Variants in EPS15 observed in about 807,000 individuals in gnomAD.
EPS15 encodes epidermal growth factor receptor substrate 15.
In EPS15, 72 loss-of-function variants were observed where a neutral mutation model predicts 113.8. The observed-to-expected ratio is 0.63, with a 90% CI of 0.52 to 0.77. The LOEUF is 0.77. Ranked by LOEUF, EPS15 falls within the 30% of genes least tolerant of loss-of-function variation. The probability of loss-of-function intolerance (pLI) is 0.00; values close to 1 mark genes in which losing one functional copy is unlikely to be tolerated. For synonymous variants in EPS15, 344 were observed against 363.4 expected (o/e 0.95, Z 0.61); for missense variants, 1,048 against 1,045.8 (o/e 1.00, Z -0.03).
At chr1:51,454,564 C>T (rs895464753) in intron 8 of EPS15, among the ~76,000 whole-genome samples, 1 of 152,128 alleles carries the variant, frequency 6.6e-6, no homozygotes, top group Non-Finnish European at 1.5e-5. Flanking sequence ...AGTCTAGTCA[C>T]GAGAATAGCA....
At chr1:51,398,630 G>C (rs973759973) in intron 20 of EPS15, among the ~76,000 whole-genome samples, 9 of 152,116 alleles carry the variant, frequency 5.9e-5, no homozygotes, top group African/African-American at 2.2e-4. Context: ...TAACATTCCA[G>C]ATGTGTCTAT....
In EPS15 at chr1:51,394,456, A is replaced by C. The variant is rs1258690746; in HGVS notation, c.2053-9T>G. ...TGCTTCAACGTTTCTACCTAAACAA[A>C]GCATACAAAACCATGAATGAGAGAG... On this transcript the variant is annotated splice_polypyrimidine_tract_variant and intron_variant, in intron 20 of 24. Transcript: ENST00000371733. 3.1e-6 allele frequency: 5 copies of C among 1,589,252 alleles called. No homozygotes were observed. The Admixed American group carries it at 6.8e-5, about 22-fold the overall frequency.
chr1:51,450,242 G>A (rs938138614), intron 8 of EPS15, among the ~76,000 whole-genome samples: 8 of 149,956 alleles, frequency 5.3e-5, no homozygotes, highest in African/African-American at 1.8e-4. Flanking sequence ...GGCCACACTG[G>A]GGGGGGCTGT....
At chr1:51,412,704 G>A (rs1030288095) in intron 13 of EPS15, among the ~76,000 whole-genome samples, 3 of 152,176 alleles carry the variant, frequency 2.0e-5, no homozygotes, top group African/African-American at 7.2e-5. Context: ...ATAAACCCAT[G>A]CCAAAAGAGA....
chr1:51,418,702 G>T (rs980297536), intron 13 of EPS15, among the ~76,000 whole-genome samples: 2 of 152,140 alleles, frequency 1.3e-5, no homozygotes, highest in African/African-American at 4.8e-5. Flanking sequence ...AATACAGCTA[G>T]TAAGAACATT....
chr1:51,494,287 T>A (rs559259099), intron 1 of EPS15, among the ~76,000 whole-genome samples: 6 of 152,176 alleles, frequency 3.9e-5, no homozygotes, highest in Non-Finnish European at 4.4e-5. Flanking sequence ...AACCACAACC[T>A]CTTCTTCCAG....
chr1:51,465,089 A>G (rs1220615925), intron 6 of EPS15, among the ~76,000 whole-genome samples, 172 bp downstream of exon 6: 2 of 152,234 alleles, frequency 1.3e-5, no homozygotes, highest in African/African-American at 2.4e-5. Context: ...TACTGTCACA[A>G]AACAACTGAC....
chr1:51,447,336 AC>A (rs1653147421), intron 9 of EPS15, among the ~76,000 whole-genome samples: 1 of 152,188 alleles, frequency 6.6e-6, no homozygotes, highest in African/African-American at 2.4e-5. Context: ...GCACATTTTT[AC>A]TTTTTTTTAA....
chr1:51,422,766 A>G (rs565770903), intron 12 of EPS15, among the ~76,000 whole-genome samples: 1 of 152,386 alleles, frequency 6.6e-6, no homozygotes, highest in South Asian at 2.1e-4. Flanking sequence ...CTTTTCTACA[A>G]AATGAGAGAA....
intron 13 of EPS15, among the ~76,000 whole-genome samples, chr1:51,411,542 G>A (rs940958693): frequency 6.6e-6 from 1 of 152,154 alleles, no homozygotes; most frequent in Non-Finnish European, 1.5e-5. Flanking sequence ...TTATAATATT[G>A]AAGGAGAAGA....
chr1:51,408,014 ATGAC>A, intron 15 of EPS15, 117 bp downstream of exon 15: 1 of 824,238 alleles, frequency 1.2e-6, no homozygotes, highest in East Asian at 2.4e-5. Context: ...ATTGTATAAA[ATGAC>A]TGAAAAATGA....
intron 21 of EPS15, 67 bp from the exon 22 acceptor site, chr1:51,366,096 T>A: frequency 1.1e-5 from 12 of 1,067,726 alleles, no homozygotes; most frequent in Non-Finnish European, 1.7e-5. Flanking sequence ...AGACAGAGTC[T>A]CACTCTGTCC....
At position 51,457,143 on chromosome 1, in the gene EPS15, C is replaced by T. The variant is rs558347868; in HGVS notation, c.561+3948G>A. On this transcript the variant is annotated intron_variant, in intron 8 of 24. Coordinates refer to ENST00000371733, the MANE Select transcript of EPS15 (RefSeq NM_001981.3). ...TACTAAAAATACAAAAAAAATTAGCCAGGCGTGGTGGCGGGCGCCTGTAGT... is the reference window on the plus strand; with the variant it reads ...TACTAAAAATACAAAAAAAATTAGCTAGGCGTGGTGGCGGGCGCCTGTAGT... Among the ~76,000 whole-genome samples, 4 of 152,062 alleles carry T rather than the reference C, an allele frequency of 2.6e-5. No homozygotes were observed. In the South Asian group the frequency reaches 8.3e-4, roughly 32 times the overall value.
chr1:51,512,668 A>G (rs1644644267), intron 1 of EPS15, among the ~76,000 whole-genome samples: 1 of 152,122 alleles, frequency 6.6e-6, no homozygotes, highest in African/African-American at 2.4e-5. Context: ...TCAAAGGAAA[A>G]AAAAATAAGT....
intron 21 of EPS15, among the ~76,000 whole-genome samples, chr1:51,374,701 G>T (rs757686535): frequency 3.3e-5 from 5 of 152,158 alleles, no homozygotes; most frequent in Non-Finnish European, 7.3e-5. Context: ...TTCACCAGAA[G>T]CAAATGCTAA....
chr1:51,409,794 C>T lies in EPS15; in HGVS notation c.1114-98G>A. On this transcript the variant is annotated intron_variant, in intron 13 of 24. Transcript: ENST00000371733. ...TACCTTAAGAAAGAATAAAGTCTTA[C>T]TGAGTATACTGTGTTGATGAGACTA... The T allele has an allele frequency of 5.1e-6, 4 of 776,854 alleles. No homozygotes were observed. The South Asian group carries it at 6.5e-5, about 13-fold the overall frequency. The allele number at this position is 776,854 out of a possible 1,614,324, so 48.1% of individuals were successfully genotyped here.
intron 8 of EPS15, among the ~76,000 whole-genome samples, chr1:51,457,228 AGT>A (rs1248980051): frequency 6.6e-6 from 1 of 152,164 alleles, no homozygotes; most frequent in African/African-American, 2.4e-5. Flanking sequence ...CGGAGCTTGC[AGT>A]GAGCTGAGAT....
chr1:51,480,533 A>T (rs1228390198), intron 2 of EPS15, among the ~76,000 whole-genome samples: 1 of 152,102 alleles, frequency 6.6e-6, no homozygotes, highest in Non-Finnish European at 1.5e-5. Context: ...TTTGTTTTTG[A>T]GATGGAGTTT....
intron 1 of EPS15, among the ~76,000 whole-genome samples, chr1:51,490,564 C>CAAAAAA (rs60149665): frequency 3.9e-5 from 3 of 76,608 alleles, no homozygotes; most frequent in Non-Finnish European, 5.1e-5. Flanking sequence ...GACTCCATCT[C>CAAAAAA]AAAAAAAAAA....
Sources: allele counts gnomAD v4.1 joint callset (sites outside exome capture counted in the v4.1 genomes callset), GRCh38; gene constraint gnomAD v4.1.1; transcripts MANE v1.5; gene names NCBI Gene and HGNC (gene_info 2026-07-23, HGNC 2026-07-21).